Variants in RIPK3 observed in about 807,000 individuals in gnomAD.
The protein encoded by RIPK3 is receptor-interacting serine/threonine-protein kinase 3.
Under a neutral mutation model 51.6 loss-of-function variants are expected in RIPK3, and 51 were observed. The observed-to-expected ratio is 0.99, with a 90% confidence interval of 0.79 to 1.25. The LOEUF (loss-of-function observed/expected upper bound fraction) is 1.25, where lower values mean the gene tolerates loss of function less well. Among genes scored for constraint, RIPK3 ranks in the 50% most tolerant of loss-of-function variants. The pLI is 0.00. For synonymous variants in RIPK3, 246 were observed against 257.7 expected (o/e 0.95, Z 0.44); for missense variants, 654 against 650.4 (o/e 1.01, Z -0.06).
chr14:24,337,932 A>C lies in RIPK3; in HGVS notation c.773T>G (p.Leu258Arg). The C allele has an allele frequency of 6.2e-7, 1 of 1,614,182 alleles. No individual in the cohort carries two copies. Among genetic ancestry groups the C allele is most frequent in the East Asian group, 2.2e-5 (1 of 44,884 alleles). The change falls in exon 6 of 10, where the codon CTG becomes CGG. Residue 258 changes from leucine to arginine, a missense_variant. By Grantham distance (102) the Leu-to-Arg change is moderately radical (BLOSUM62 -2). Transcript: ENST00000216274. ...AGPETPGLEG[L>R]KELMQLCWSS... ...CCAGCAGAGCTGCATTAGCTCCTTCAGTCCTTCTAAGCCGGGAGTCTCAGG... is the reference window on the plus strand; with the variant it reads ...CCAGCAGAGCTGCATTAGCTCCTTCCGTCCTTCTAAGCCGGGAGTCTCAGG...
rs1377560274 is a variant in RIPK3, at chr14:24,339,691, G to T, written c.21-94C>A. 6.3e-6 allele frequency: 10 copies of T among 1,586,134 alleles called. No homozygotes were observed. The South Asian group carries it at 1.0e-4, about 16-fold the overall frequency. ...CTCGGCGTTCTCACTGCAATCCCCAGCCTCCCTCGCCGGCCCCCACCGTCC... is the reference window on the plus strand; with the variant it reads ...CTCGGCGTTCTCACTGCAATCCCCATCCTCCCTCGCCGGCCCCCACCGTCC... On this transcript the variant is annotated intron_variant, in intron 1 of 9. Transcript: ENST00000216274. This position sits in a 1 kb window ranked among gnomAD's most constrained non-coding sequence, Gnocchi z 4.0.
chr14:24,337,580 G>A (rs752352655), intron 7 of RIPK3, 115 bp downstream of exon 7: 2 of 1,579,248 alleles, frequency 1.3e-6, no homozygotes, highest in Non-Finnish European at 1.7e-6. Context: ...GGGGACGGTG[G>A]GTACAAAGGT....
chr14:24,336,482 T>C, intron 9 of RIPK3, 87 bp from the exon 10 acceptor site: 1 of 1,540,290 alleles, frequency 6.5e-7, no homozygotes, highest in African/African-American at 1.4e-5. Context: ...AAGTCTCTAC[T>C]TGTCAGTGGC....
intron 9 of RIPK3, 197 bp from the exon 10 acceptor site, chr14:24,336,592 T>C: frequency 1.2e-6 from 1 of 802,526 alleles, no homozygotes; most frequent in Non-Finnish European, 1.9e-6. Context: ...GAGACCCTGA[T>C]CTTTTTTGCT....
At position 24,336,464 on chromosome 14, in the gene RIPK3, G is replaced by A. The variant is rs1429395701; in HGVS notation, c.1337-69C>T. 4 of 1,567,858 alleles carry A rather than the reference G, an allele frequency of 2.6e-6. No individual in the cohort carries two copies. In the Admixed American group the frequency reaches 5.2e-5, roughly 20 times the overall value. ...GAAAGGCCAAGTTGGGGGTGGGTGG[G>A]GAGTATGAAGTCTCTACTTGTCAGT... On this transcript the variant is annotated intron_variant, in intron 9 of 9. Coordinates refer to ENST00000216274, the MANE Select transcript of RIPK3 (RefSeq NM_006871.4).
Position 24,339,382 on chromosome 14 carries a change from G to T in RIPK3, c.162-58C>A, listed in dbSNP as rs73591479. 397 of 1,609,448 alleles carry T rather than the reference G, an allele frequency of 2.5e-4. No individual in the cohort carries two copies. The African/African-American group carries it at 4.9e-3, about 20-fold the overall frequency. On this transcript the variant is annotated intron_variant, in intron 2 of 9. Transcript: ENST00000216274. The surrounding 1 kb of genome is among the most constrained non-coding windows in gnomAD (Gnocchi z 4.0). ...GGGTCGTGGGAAAATCCCTCCCTTC[G>T]CCATTCAGGCCCCAGAGCACAGTGG...
Position 24,339,216 on chromosome 14 carries a change from C to A in RIPK3, c.270G>T (p.Pro90=). ...TCTCCATGAATTTAGTCACCAGAGCCGGCTTGGGATCTTGGTCCCAGTTCA... is the reference window on the plus strand; with the variant it reads ...TCTCCATGAATTTAGTCACCAGAGCAGGCTTGGGATCTTGGTCCCAGTTCA... ...EKVNWDQDPK[P]ALVTKFMENG... is the part of the protein sequence containing the mutation. Residue 90 remains proline (P), a synonymous_variant, in exon 3 of 10, where the codon CCG becomes CCT. Coordinates refer to ENST00000216274, the MANE Select transcript of RIPK3 (RefSeq NM_006871.4). The surrounding 1 kb of genome is among the most constrained non-coding windows in gnomAD (Gnocchi z 4.0). 2 of 1,614,250 alleles carry A rather than the reference C, an allele frequency of 1.2e-6. No individual in the cohort carries two copies. The highest frequency in any genetic ancestry group is 1.7e-6 in the Non-Finnish European group (2 of 1,180,036).
At chr14:24,338,690 AGAGG>A in intron 3 of RIPK3, 123 bp from the exon 4 acceptor site, 4 of 1,368,042 alleles carry the variant, frequency 2.9e-6, no homozygotes, top group Non-Finnish European at 4.0e-6. Context: ...GGTCAAGGGA[AGAGG>A]TTCCCTTGGA....
In RIPK3 at chr14:24,339,858, A is replaced by C; in HGVS notation, c.-32T>G. The C allele has an allele frequency of 1.9e-6, 3 of 1,545,398 alleles. No individual in the cohort carries two copies. Among genetic ancestry groups the C allele is most frequent in the Non-Finnish European group, 2.6e-6 (3 of 1,150,872 alleles). On this transcript the variant is annotated 5_prime_UTR_variant, in exon 1 of 10. Transcript: ENST00000216274. The surrounding 1 kb of genome is among the most constrained non-coding windows in gnomAD (Gnocchi z 4.0). ...GGAAGGTGCCAGGGGGCCTCTGGAA[A>C]TTGCGAGCCGTAGGAGATGGAGTGA... is the stretch of plus-strand genomic sequence containing the variant.
chr14:24,338,689 A>G (rs2042159812), intron 3 of RIPK3, 122 bp from the exon 4 acceptor site: 2 of 1,373,520 alleles, frequency 1.5e-6, no homozygotes, highest in African/African-American at 1.5e-5. Flanking sequence ...AGGTCAAGGG[A>G]AGAGGTTCCC....
rs1000305647 is a variant in RIPK3, at chr14:24,336,474, G to A, written c.1337-79C>T. The A allele has an allele frequency of 9.1e-6, 14 of 1,535,506 alleles. No individual in the cohort carries two copies. The African/African-American group carries it at 1.6e-4, about 18-fold the overall frequency. On this transcript the variant is annotated intron_variant, in intron 9 of 9. Transcript: ENST00000216274. ...GTTGGGGGTGGGTGGGGAGTATGAA[G>A]TCTCTACTTGTCAGTGGCTGTGTCA...
Position 24,337,184 on chromosome 14 carries a change from C to T in RIPK3, c.1177G>A (p.Ala393Thr). Residue 393 changes from alanine (A) to threonine (T), a missense_variant, in exon 8 of 10, where the codon GCC becomes ACC. Transcript: ENST00000216274. ...WTAGTSSDSM[A>T]QPPQTPETST... ...GTCTCTGGAGTCTGGGGAGGTTGGG[C>T]CATCGAATCTGAAGATGTGCCTGCT... 1 of 1,613,096 alleles carries T rather than the reference C, an allele frequency of 6.2e-7. No homozygotes were observed. The highest frequency in any genetic ancestry group is 8.5e-7 in the Non-Finnish European group (1 of 1,180,008).
Position 24,336,114 on chromosome 14 carries a change from G to T in RIPK3, c.*61C>A, listed in dbSNP as rs1327132638. On this transcript the variant is annotated 3_prime_UTR_variant, in exon 10 of 10. Coordinates refer to ENST00000216274, the MANE Select transcript of RIPK3 (RefSeq NM_006871.4). ...AGACTGCCCTAGAAGGAAGTCAGGGGCCTCAAGGGGTGGCACTCTTCCTTA... is the reference window on the plus strand; with the variant it reads ...AGACTGCCCTAGAAGGAAGTCAGGGTCCTCAAGGGGTGGCACTCTTCCTTA... 1 of 1,544,058 alleles carries T rather than the reference G, an allele frequency of 6.5e-7. No individual in the cohort carries two copies. Among genetic ancestry groups the T allele is most frequent in the Non-Finnish European group, 8.8e-7 (1 of 1,137,750 alleles).
Position 24,339,456 on chromosome 14 carries a change from C to T in RIPK3, c.161+1G>A, listed in dbSNP as rs769077420. ...GGCTGGGGTCAACCGGGGTCACTCACGAGTTTACGATCTTGACCGCCACAT... is the reference window on the plus strand; with the variant it reads ...GGCTGGGGTCAACCGGGGTCACTCATGAGTTTACGATCTTGACCGCCACAT... On this transcript the variant is annotated splice_donor_variant, in intron 2 of 9. Transcript: ENST00000216274. LOFTEE classifies it high-confidence loss of function. This position sits in a 1 kb window ranked among gnomAD's most constrained non-coding sequence, Gnocchi z 4.0. The T allele has an allele frequency of 6.2e-7, 1 of 1,614,196 alleles. No individual in the cohort carries two copies. The highest frequency in any genetic ancestry group is 1.7e-5 in the Admixed American group (1 of 60,028).
chr14:24,338,109 G>A (rs771638456), intron 5 of RIPK3, 69 bp from the exon 6 acceptor site: 3 of 1,608,912 alleles, frequency 1.9e-6, no homozygotes, highest in Non-Finnish European at 2.6e-6. Context: ...CTTCATCATG[G>A]AAAGAGGCAG....
chr14:24,338,596 A>G lies in RIPK3; in HGVS notation c.472-29T>C, dbSNP rs759276091. ...CAAAGGAAGGAAAGAAGTGGGAGGT[A>G]GGGAAGACAAGGGGGCCAGAGAGCC... On this transcript the variant is annotated intron_variant, in intron 3 of 9. Transcript: ENST00000216274. The G allele has an allele frequency of 1.9e-6, 3 of 1,579,130 alleles. No individual in the cohort carries two copies. The African/African-American group carries it at 4.1e-5, about 21-fold the overall frequency.
chr14:24,336,987 G>C (rs2042143832), intron 8 of RIPK3, 42 bp from the exon 9 acceptor site: 1 of 1,608,354 alleles, frequency 6.2e-7, no homozygotes, highest in Admixed American at 1.7e-5. Flanking sequence ...CTGGAGCCTG[G>C]CACTCCCACT....
Position 24,337,073 on chromosome 14 carries a change from G to C in RIPK3, c.1275+13C>G. 1.2e-6 allele frequency: 2 copies of C among 1,612,554 alleles called. No individual in the cohort carries two copies. The highest frequency in any genetic ancestry group is 1.7e-6 in the Non-Finnish European group (2 of 1,179,626). On this transcript the variant is annotated intron_variant, in intron 8 of 9. Transcript: ENST00000216274. ...GACTCTTAGTGCATCCCCTAATCCT[G>C]TCAATGTCTCACCTGATTCCCTCGG...
chr14:24,339,214 G>C lies in RIPK3; in HGVS notation c.272C>G (p.Ala91Gly). The change falls in exon 3 of 10, where the codon GCT becomes GGT. Residue 91 changes from alanine to glycine, a missense_variant. Physicochemically the swap from Ala to Gly is moderately conservative, Grantham distance 60. Coordinates refer to ENST00000216274, the MANE Select transcript of RIPK3 (RefSeq NM_006871.4). This position sits in a 1 kb window ranked among gnomAD's most constrained non-coding sequence, Gnocchi z 4.0. The stretch of plus-strand genomic sequence containing the variant: ...GTTCTCCATGAATTTAGTCACCAGA[G>C]CCGGCTTGGGATCTTGGTCCCAGTT... ...KVNWDQDPKP[A>G]LVTKFMENGS... is the part of the protein sequence containing the mutation. The C allele has an allele frequency of 1.2e-6, 2 of 1,614,262 alleles. No homozygotes were observed. Among genetic ancestry groups the C allele is most frequent in the Admixed American group, 3.3e-5 (2 of 60,030 alleles).
Sources: allele counts gnomAD v4.1 joint callset, GRCh38; gene constraint gnomAD v4.1.1; non-coding constraint Gnocchi (gnomAD v3.1); transcripts MANE v1.5; gene names NCBI Gene and HGNC (gene_info 2026-07-23, HGNC 2026-07-21).